SMC2: variants seen among roughly 807,000 people sequenced by gnomAD.
The protein encoded by SMC2 is structural maintenance of chromosomes protein 2.
In SMC2, 41 loss-of-function variants were observed where a neutral mutation model predicts 142.6. That is an observed-to-expected ratio of 0.29 (90% confidence interval 0.22 to 0.37). The LOEUF is 0.37. SMC2 is among the 10% of genes least tolerant of loss of function. The pLI is 1.00. For synonymous variants in SMC2, 463 were observed against 457.5 expected, an observed-to-expected ratio of 1.01 and a Z score of -0.15; for missense variants, 1,265 against 1,373.7, an observed-to-expected ratio of 0.92 and a Z score of 1.25.
chr9:104,133,239 ATTC>A (rs1231082046), intron 22 of SMC2, among the ~76,000 whole-genome samples: 4 of 152,030 alleles, frequency 2.6e-5, no homozygotes, highest in Non-Finnish European at 5.9e-5. Context: ...ATAGGGCTGT[ATTC>A]TTCTCTGTCC....
upstream of SMC2, among the ~76,000 whole-genome samples, chr9:104,089,751 C>A (rs1271016880): frequency 6.6e-6 from 1 of 152,004 alleles, no homozygotes; most frequent in African/African-American, 2.4e-5. Context: ...TGGGTTCAAG[C>A]GATTCTCGTG....
intron 9 of SMC2, among the ~76,000 whole-genome samples, chr9:104,104,112 CT>C (rs1831482870): frequency 6.6e-6 from 1 of 152,208 alleles, no homozygotes; most frequent in South Asian, 2.1e-4. Flanking sequence ...ACTCTGATAT[CT>C]TTTATAAACT....
intron 23 of SMC2, 131 bp downstream of exon 23, chr9:104,134,706 A>T (rs1564119725): frequency 3.8e-6 from 2 of 527,294 alleles, no homozygotes; most frequent in Non-Finnish European, 6.2e-6. Context: ...TATAAGACTA[A>T]ACAATTTGGT....
chr9:104,122,563 A>G (rs16923697), intron 16 of SMC2, among the ~76,000 whole-genome samples: 3 of 151,834 alleles, frequency 2.0e-5, no homozygotes, highest in Admixed American at 6.6e-5. Flanking sequence ...TGAATTAGCT[A>G]AATACCTTTC....
At chr9:104,118,690 T>C (rs1486258720) in intron 15 of SMC2, among the ~76,000 whole-genome samples, 5 of 150,398 alleles carry the variant, frequency 3.3e-5, no homozygotes, top group Admixed American at 6.6e-5. Flanking sequence ...ATTTACTGTA[T>C]ACCAGACAGT....
At chr9:104,090,112 T>C (rs1393231817), upstream of SMC2, among the ~76,000 whole-genome samples, 1 of 152,146 alleles carries the variant, frequency 6.6e-6, no homozygotes, top group Non-Finnish European at 1.5e-5. Flanking sequence ...GAAGACCTCC[T>C]CCAACATGGT....
chr9:104,101,930 G>C (rs779301737), intron 7 of SMC2, 30 bp from the exon 8 acceptor site: 2 of 1,346,184 alleles, frequency 1.5e-6, no homozygotes, highest in South Asian at 2.6e-5. Flanking sequence ...ACAATTTTGA[G>C]TTATTCTTTT....
At chr9:104,097,371 G>T (rs1327838264) in intron 3 of SMC2, among the ~76,000 whole-genome samples, 1 of 151,334 alleles carries the variant, frequency 6.6e-6, no homozygotes, top group Non-Finnish European at 1.5e-5. Context: ...CTCCCAAAGT[G>T]CTAGGATTAC....
Position 104,119,522 on chromosome 9 carries a change from T to G in SMC2, c.1997-505T>G, listed in dbSNP as rs534166627. ...CCCGAAATCTTAGCTTACAACAAAT[T>G]TATTCCATGTTTATGCTACATCTGC... On this transcript the variant is annotated intron_variant, in intron 15 of 24. Coordinates refer to ENST00000374793, the MANE Select transcript of SMC2 (RefSeq NM_006444.3). Among the ~76,000 whole-genome samples, 4 of 152,254 alleles carry G rather than the reference T, an allele frequency of 2.6e-5. No individual in the cohort carries two copies. The South Asian group carries it at 8.3e-4, about 32-fold the overall frequency.
chr9:104,094,134 A>G, upstream of SMC2: 1 of 371,424 alleles, frequency 2.7e-6, no homozygotes, highest in Non-Finnish European at 4.8e-6. Flanking sequence ...TGTAGTGCCC[A>G]GGCCCCTGCC....
At chr9:104,118,935 ATAT>A (rs1833424562) in intron 15 of SMC2, among the ~76,000 whole-genome samples, 1 of 152,182 alleles carries the variant, frequency 6.6e-6, no homozygotes, top group Non-Finnish European at 1.5e-5. Flanking sequence ...TGAGGTAGGC[ATAT>A]TATTATGATC....
chr9:104,096,303 TG>T lies in SMC2; in HGVS notation c.318+8del, dbSNP rs1237157266. On this transcript the variant is annotated splice_region_variant and intron_variant, in intron 3 of 24. Coordinates refer to ENST00000374793, the MANE Select transcript of SMC2 (RefSeq NM_006444.3). ...AAATCACAGTAACAAGGCAGGTGAG[TG>T]GCAATTAAACCTTTGGGTATCTTAA... 7.4e-6 allele frequency: 12 copies of T among 1,613,510 alleles called. No homozygotes were observed. The highest frequency in any genetic ancestry group is 9.3e-6 in the Non-Finnish European group (11 of 1,179,700).
chr9:104,106,967 G>A (rs951071964), intron 9 of SMC2, among the ~76,000 whole-genome samples: 5 of 152,128 alleles, frequency 3.3e-5, no homozygotes, highest in African/African-American at 4.8e-5. Context: ...AGTAAACCCC[G>A]CCATACTATT....
chr9:104,132,724 C>G (rs1299720036), intron 22 of SMC2, among the ~76,000 whole-genome samples: 1 of 151,942 alleles, frequency 6.6e-6, no homozygotes, highest in African/African-American at 2.4e-5. Flanking sequence ...TTTTTCTTCT[C>G]TAAGACTTAT....
In SMC2 at chr9:104,114,019, T is replaced by G; in HGVS notation, c.1470T>G (p.Gly490=). The change falls in exon 12 of 25, where the codon GGT becomes GGG. Residue 490 remains glycine, a synonymous_variant. Coordinates refer to ENST00000374793, the MANE Select transcript of SMC2 (RefSeq NM_006444.3). ...EKRRQLSRDI[G]RLKETYEALL... is the part of the protein sequence containing the mutation. ...GCAGGCAGCTGTCTCGTGATATTGG[T>G]AGATTGAAAGAAACATATGAAGCTC... is the stretch of plus-strand genomic sequence containing the variant. The G allele has an allele frequency of 6.2e-7, 1 of 1,601,886 alleles. No individual in the cohort carries two copies. Among genetic ancestry groups the G allele is most frequent in the South Asian group, 1.1e-5 (1 of 88,170 alleles).
At chr9:104,130,563 G>GTTACT (rs1411647044) in intron 21 of SMC2, among the ~76,000 whole-genome samples, 1 of 151,896 alleles carries the variant, frequency 6.6e-6, no homozygotes, top group Non-Finnish European at 1.5e-5. Flanking sequence ...TAATAGCACA[G>GTTACT]TTACTTTGAA....
chr9:104,092,183 T>A (rs1431524299), upstream of SMC2: 1 of 152,120 alleles, frequency 6.6e-6, no homozygotes, highest in African/African-American at 2.4e-5. Flanking sequence ...TTAGTGCTTC[T>A]GGCACGCAAT....
At chr9:104,102,669 C>G (rs1442395716) in intron 9 of SMC2, 96 bp downstream of exon 9, 4 of 1,253,852 alleles carry the variant, frequency 3.2e-6, no homozygotes, top group Non-Finnish European at 4.3e-6. Context: ...TAGTGAGTGT[C>G]TTCTATAAGC....
intron 20 of SMC2, among the ~76,000 whole-genome samples, chr9:104,128,234 C>T (rs1207845175): frequency 2.0e-5 from 3 of 152,142 alleles, no homozygotes; most frequent in Admixed American, 6.5e-5. Flanking sequence ...AAAACAATCT[C>T]CCTCTCTTCT....
Sources: allele counts gnomAD v4.1 joint callset (sites outside exome capture counted in the v4.1 genomes callset), GRCh38; gene constraint gnomAD v4.1.1; transcripts MANE v1.5; gene names NCBI Gene and HGNC (gene_info 2026-07-23, HGNC 2026-07-21).